The following LRRC4C variants were observed in gnomAD, a reference collection of about 807,000 sequenced individuals.
LRRC4C encodes the protein leucine-rich repeat-containing protein 4C.
Under a neutral mutation model 33.6 loss-of-function variants are expected in LRRC4C, and 5 were observed. The observed-to-expected ratio is 0.15, with a 90% confidence interval of 0.08 to 0.31. The LOEUF (loss-of-function observed/expected upper bound fraction) is 0.31. LRRC4C is among the 10% of genes least tolerant of loss of function. LRRC4C has a pLI of 1.00. For synonymous variants in LRRC4C, 329 were observed against 302.0 expected (o/e 1.09, Z -0.93); for missense variants, 560 against 796.7 (o/e 0.70, Z 3.58).
At chr11:40,643,372 C>T (rs1021261362) in intron 3 of LRRC4C, among the ~76,000 whole-genome samples, 2 of 152,140 alleles carry the variant, frequency 1.3e-5, no homozygotes, top group African/African-American at 4.8e-5. Flanking sequence ...TACCTTCACC[C>T]GGCTATGACA....
chr11:41,206,368 T>C (rs2136290232), intron 1 of LRRC4C, among the ~76,000 whole-genome samples: 1 of 152,274 alleles, frequency 6.6e-6, no homozygotes, highest in East Asian at 1.9e-4. Flanking sequence ...TTTCAAAATG[T>C]TGGGTTGCGG....
chr11:41,019,724 G>A (rs965077481), intron 1 of LRRC4C, among the ~76,000 whole-genome samples: 1 of 152,118 alleles, frequency 6.6e-6, no homozygotes. Context: ...TGACTGGTAT[G>A]AGATGGTATC....
chr11:40,510,463 G>C (rs1232751926), intron 3 of LRRC4C, among the ~76,000 whole-genome samples: 1 of 151,996 alleles, frequency 6.6e-6, no homozygotes, highest in African/African-American at 2.4e-5. Flanking sequence ...TATTTCCTTT[G>C]TGACAGGATA....
intron 6 of LRRC4C, among the ~76,000 whole-genome samples, chr11:40,132,582 T>A (rs75187082): frequency 0.061 from 9,258 of 152,294 alleles, 370 homozygotes; most frequent in East Asian, 0.17. Flanking sequence ...ATGCATTAAC[T>A]AATGCATTGA....
At chr11:40,657,390 T>C (rs970973637) in intron 2 of LRRC4C, among the ~76,000 whole-genome samples, 8 of 152,200 alleles carry the variant, frequency 5.3e-5, no homozygotes, top group Non-Finnish European at 7.3e-5. Flanking sequence ...AGCCATGTTC[T>C]CTGTAGGGCA....
intron 6 of LRRC4C, among the ~76,000 whole-genome samples, chr11:40,134,942 A>C (rs1259432061): frequency 6.6e-6 from 1 of 152,158 alleles, no homozygotes; most frequent in Non-Finnish European, 1.5e-5. Context: ...AAACCTGATA[A>C]GGAAACTCTC....
intron 3 of LRRC4C, among the ~76,000 whole-genome samples, chr11:40,461,680 AT>A (rs1445489207): frequency 6.7e-6 from 1 of 148,668 alleles, no homozygotes; most frequent in Non-Finnish European, 1.5e-5. Flanking sequence ...TTATATATAT[AT>A]TATATAATAA....
intron 5 of LRRC4C, among the ~76,000 whole-genome samples, chr11:40,176,624 T>C (rs185347037): frequency 4.6e-5 from 7 of 151,924 alleles, no homozygotes; most frequent in Non-Finnish European, 8.8e-5. Flanking sequence ...CGTTGCAGAC[T>C]TGAAGTCCTT....
At chr11:41,190,360 G>A (rs1389025525) in intron 1 of LRRC4C, among the ~76,000 whole-genome samples, 1 of 152,150 alleles carries the variant, frequency 6.6e-6, no homozygotes, top group African/African-American at 2.4e-5. Flanking sequence ...AAAGCAAACA[G>A]ACTTTGACCT....
intron 3 of LRRC4C, among the ~76,000 whole-genome samples, chr11:40,361,159 G>A (rs1306183017): frequency 3.3e-5 from 5 of 152,116 alleles, no homozygotes; most frequent in Admixed American, 3.3e-4. Flanking sequence ...GGCAAAACCT[G>A]GAAGCATTCC....
intron 3 of LRRC4C, among the ~76,000 whole-genome samples, chr11:40,591,607 C>G (rs2135739081): frequency 6.6e-6 from 1 of 152,330 alleles, no homozygotes; most frequent in African/African-American, 2.4e-5. Flanking sequence ...ATAAACGATT[C>G]ATTCAAGATC....
At chr11:40,751,800 A>G (rs935307903) in intron 2 of LRRC4C, among the ~76,000 whole-genome samples, 4 of 152,148 alleles carry the variant, frequency 2.6e-5, no homozygotes, top group African/African-American at 9.7e-5. Flanking sequence ...TAGCCAAATC[A>G]ATCTTGAGCA....
Position 41,351,360 on chromosome 11 carries a change from A to G in LRRC4C, c.-496+108071T>C, listed in dbSNP as rs553139232. Among the ~76,000 whole-genome samples, 14 of 152,330 alleles carry G rather than the reference A, an allele frequency of 9.2e-5. No individual in the cohort carries two copies. The East Asian group carries it at 2.5e-3, about 27-fold the overall frequency. On this transcript the variant is annotated intron_variant, in intron 1 of 6. Transcript: ENST00000528697. ...AGGGAATTATATAAAGACCAAACCT[A>G]TCACTCATTGGCATCCCAGAAAGGG...
intron 1 of LRRC4C, among the ~76,000 whole-genome samples, chr11:41,395,733 T>C (rs1455185702): frequency 6.6e-6 from 1 of 152,012 alleles, no homozygotes; most frequent in South Asian, 2.1e-4. Flanking sequence ...GGTCTCTTGA[T>C]CCAACAAATC....
intron 3 of LRRC4C, among the ~76,000 whole-genome samples, chr11:40,425,310 G>A (rs925540059): frequency 2.6e-5 from 4 of 152,042 alleles, no homozygotes; most frequent in Admixed American, 2.0e-4. Flanking sequence ...TCTATAAAAG[G>A]ATCAGCCTCT....
intron 2 of LRRC4C, among the ~76,000 whole-genome samples, chr11:40,744,156 A>G (rs1293927838): frequency 6.6e-6 from 1 of 152,194 alleles, no homozygotes; most frequent in Non-Finnish European, 1.5e-5. Flanking sequence ...TCTGGCTTTC[A>G]TGAACTTTAT....
intron 1 of LRRC4C, among the ~76,000 whole-genome samples, chr11:40,958,227 C>T (rs1959047674): frequency 1.3e-5 from 2 of 151,834 alleles, no homozygotes; most frequent in African/African-American, 4.8e-5. Flanking sequence ...TTTGTTACAG[C>T]AGCTCAAACA....
intron 2 of LRRC4C, among the ~76,000 whole-genome samples, chr11:40,707,359 C>T (rs1372736939): frequency 6.6e-6 from 1 of 152,090 alleles, no homozygotes; most frequent in Admixed American, 6.5e-5. Context: ...TCATAAATAG[C>T]TCTTATTATT....
intron 1 of LRRC4C, among the ~76,000 whole-genome samples, chr11:41,121,889 T>C (rs1942451635): frequency 6.6e-6 from 1 of 151,752 alleles, no homozygotes; most frequent in Admixed American, 6.6e-5. Flanking sequence ...CAGGAGAGTC[T>C]GCCTGAGGAC....
Sources: gnomAD v4.1 joint callset for allele counts (sites outside exome capture counted in the v4.1 genomes callset) on GRCh38, gnomAD v4.1.1 for gene constraint, MANE v1.5 for transcripts, NCBI Gene and HGNC (gene_info 2026-07-23, HGNC 2026-07-21) for gene names.